The following OCA2 variants were observed in gnomAD, a reference collection of about 807,000 sequenced individuals.
OCA2 encodes P protein.
In OCA2, 77 loss-of-function variants were observed where a neutral mutation model predicts 100.2. The observed-to-expected ratio is 0.77, with a 90% CI of 0.64 to 0.93. OCA2 has a LOEUF of 0.93. OCA2 is among the 40% of genes least tolerant of loss of function. The pLI is 0.00. For synonymous variants in OCA2, 432 were observed against 439.2 expected, an observed-to-expected ratio of 0.98 and a Z score of 0.21; for missense variants, 1,062 against 1,089.1, an observed-to-expected ratio of 0.98 and a Z score of 0.35.
At chr15:27,902,796 G>C (rs17674604) in intron 19 of OCA2, among the ~76,000 whole-genome samples, 44,351 of 152,188 alleles carry the variant, frequency 0.29, 6,955 homozygotes, top group East Asian at 0.56. Context: ...AACACTACGT[G>C]CAGCCGACCT....
intron 23 of OCA2, among the ~76,000 whole-genome samples, chr15:27,787,844 C>G (rs2032891433): frequency 6.6e-6 from 1 of 151,680 alleles, no homozygotes; most frequent in Admixed American, 6.6e-5. Flanking sequence ...GATTTTTCTT[C>G]TTTTCCGTCA....
intron 9 of OCA2, among the ~76,000 whole-genome samples, chr15:28,012,616 T>C (rs897609293): frequency 5.9e-5 from 9 of 152,148 alleles, no homozygotes; most frequent in African/African-American, 2.2e-4. Context: ...ACTTTTAAAA[T>C]CTAGAAATGG....
intron 23 of OCA2, among the ~76,000 whole-genome samples, chr15:27,805,916 C>T (rs954021397): frequency 6.6e-6 from 1 of 152,252 alleles, no homozygotes; most frequent in Non-Finnish European, 1.5e-5. Flanking sequence ...GCCAAGAGCA[C>T]CCTGGCCTCC....
chr15:28,047,965 T>C (rs1034509516), intron 2 of OCA2, among the ~76,000 whole-genome samples: 5 of 152,172 alleles, frequency 3.3e-5, no homozygotes, highest in Non-Finnish European at 7.3e-5. Flanking sequence ...TGTGTTGCTA[T>C]ACATCAGCAA....
intron 23 of OCA2, among the ~76,000 whole-genome samples, chr15:27,761,637 A>G (rs544822218): frequency 6.6e-6 from 1 of 152,202 alleles, no homozygotes; most frequent in Non-Finnish European, 1.5e-5. Context: ...GTATATGGAA[A>G]GGCACAGGCT....
chr15:27,842,495 T>G (rs947132666), intron 23 of OCA2, among the ~76,000 whole-genome samples: 1 of 152,180 alleles, frequency 6.6e-6, no homozygotes, highest in Non-Finnish European at 1.5e-5. Context: ...AATCAGTGCA[T>G]GTGCAATTGC....
In OCA2 at chr15:27,872,459, G is replaced by A. The variant is rs373564798; in HGVS notation, c.2080-537C>T. On this transcript the variant is annotated intron_variant, in intron 19 of 23. Transcript: ENST00000354638. ...GGGAAAGGCAGGAAAGAGTAGAAGAGAGAAGATGAGACGCAGGAGCCTTCT... is the reference window on the plus strand; with the variant it reads ...GGGAAAGGCAGGAAAGAGTAGAAGAAAGAAGATGAGACGCAGGAGCCTTCT... Among the ~76,000 whole-genome samples the A allele has an allele frequency of 7.9e-5, 12 of 152,308 alleles. No homozygotes were observed. The South Asian group carries it at 1.7e-3, about 21-fold the overall frequency.
intron 19 of OCA2, among the ~76,000 whole-genome samples, chr15:27,884,140 G>C (rs533962352): frequency 6.6e-6 from 1 of 152,284 alleles, no homozygotes; most frequent in Admixed American, 6.5e-5. Context: ...CCAGCACTTT[G>C]GGAAGCCAAG....
At chr15:27,727,858 C>T in the OCA2 span, among the ~76,000 whole-genome samples, 2 of 152,270 alleles carry the variant, frequency 1.3e-5, no homozygotes, top group East Asian at 3.9e-4. Context: ...GGAGAGTGTC[C>T]TCCCCAATTC....
intron 16 of OCA2, among the ~76,000 whole-genome samples, chr15:27,955,974 C>T (rs2040210333): frequency 6.6e-6 from 1 of 152,164 alleles, no homozygotes; most frequent in African/African-American, 2.4e-5. Context: ...AGGCTGACCA[C>T]ACAGGCAGTC....
At chr15:27,719,222 G>A in the OCA2 span, among the ~76,000 whole-genome samples, 1 of 152,170 alleles carries the variant, frequency 6.6e-6, no homozygotes, top group Non-Finnish European at 1.5e-5. Context: ...ATGTCTTCAG[G>A]GTTGGTTTCT....
intron 9 of OCA2, among the ~76,000 whole-genome samples, chr15:28,003,518 A>G (rs572060828): frequency 1.3e-5 from 2 of 152,286 alleles, no homozygotes; most frequent in East Asian, 3.9e-4. Flanking sequence ...TTTGTGGGTG[A>G]GGGGAGTAAA....
At chr15:27,811,044 CATT>C in intron 23 of OCA2, among the ~76,000 whole-genome samples, 1 of 102,092 alleles carries the variant, frequency 9.8e-6, no homozygotes, top group Non-Finnish European at 1.8e-5. Context: ...GCAAAGAAGT[CATT>C]ATATGAAAAA....
chr15:27,857,044 G>C (rs1442369123), intron 21 of OCA2, among the ~76,000 whole-genome samples: 1 of 152,206 alleles, frequency 6.6e-6, no homozygotes, highest in African/African-American at 2.4e-5. Flanking sequence ...CATCCCTGAA[G>C]AAGTCTAGGC....
At chr15:28,013,716 A>G (rs1350700557) in intron 9 of OCA2, among the ~76,000 whole-genome samples, 2 of 152,154 alleles carry the variant, frequency 1.3e-5, no homozygotes, top group African/African-American at 4.8e-5. Context: ...CAGGCTCAGC[A>G]GGTTTCCACT....
At chr15:27,889,362 C>A (rs2037361718) in intron 19 of OCA2, among the ~76,000 whole-genome samples, 1 of 152,184 alleles carries the variant, frequency 6.6e-6, no homozygotes, top group Non-Finnish European at 1.5e-5. Flanking sequence ...ACAAGAACTG[C>A]AGCTCAGGTG....
intron 19 of OCA2, among the ~76,000 whole-genome samples, chr15:27,913,681 C>G (rs2140276076): frequency 6.6e-6 from 1 of 151,320 alleles, no homozygotes; most frequent in East Asian, 1.9e-4. Flanking sequence ...ATTTAATGTG[C>G]CCATCAGGTC....
In OCA2 at chr15:27,824,602, C is replaced by CTCTCTCTCTCTATATATATA; in HGVS notation, c.2432+20356_2432+20357insTATATATATAGAGAGAGAGA. ...TTTCTCTCTCTCTCTCTCTCTCTCT[C>CTCTCTCTCTCTATATATATA]TATATATATATATATATATAATATA... On this transcript the variant is annotated intron_variant, in intron 23 of 23. Transcript: ENST00000354638. Among the ~76,000 whole-genome samples the CTCTCTCTCTCTATATATATA allele has an allele frequency of 1.2e-3, 59 of 47,586 alleles. 2 individuals are homozygous for CTCTCTCTCTCTATATATATA. Among genetic ancestry groups the CTCTCTCTCTCTATATATATA allele is most frequent in the African/African-American group, 5.2e-3 (33 of 6,322 alleles). The allele number at this position is 47,586 out of a possible 152,430, so 31.2% of individuals were successfully genotyped here.
At position 28,055,744 on chromosome 15, in the gene OCA2, C is replaced by T. The variant is rs142383579; in HGVS notation, c.228-23581G>A. 8.6e-3 allele frequency among the ~76,000 whole-genome samples: 1,311 copies of T among 152,300 alleles called. 13 individuals are homozygous for T. The highest frequency in any genetic ancestry group is 0.03 in the African/African-American group (1,227 of 41,572). ...CCGGCTCCCTCACCTGCAGCCTCCT[C>T]GAGGGCCACCTCCCCTCAGGGACAT... On this transcript the variant is annotated intron_variant, in intron 2 of 23. Coordinates refer to ENST00000354638, the MANE Select transcript of OCA2 (RefSeq NM_000275.3).
Sources: allele counts gnomAD v4.1 joint callset (sites outside exome capture counted in the v4.1 genomes callset), GRCh38; gene constraint gnomAD v4.1.1; transcripts MANE v1.5; gene names NCBI Gene and HGNC (gene_info 2026-07-23, HGNC 2026-07-21).